Variants in AUTS2 observed in about 807,000 individuals in gnomAD.
The protein encoded by AUTS2 is autism susceptibility gene 2 protein.
Under a neutral mutation model 112.4 loss-of-function variants are expected in AUTS2, and 17 were observed. That is an observed-to-expected ratio of 0.15 (90% CI 0.10 to 0.23). AUTS2 has a LOEUF of 0.23. AUTS2 is among the 10% of genes least tolerant of loss of function. The pLI is 1.00. For synonymous variants in AUTS2, 751 were observed against 702.7 expected, an observed-to-expected ratio of 1.07 and a Z score of -1.09; for missense variants, 1,510 against 1,701.6, an observed-to-expected ratio of 0.89 and a Z score of 1.98.
intron 4 of AUTS2, among the ~76,000 whole-genome samples, chr7:70,278,552 G>A (rs1030365578): frequency 1.3e-5 from 2 of 152,086 alleles, no homozygotes; most frequent in East Asian, 1.9e-4. Context: ...ACTCCAGCCT[G>A]GGTGACAGAG....
chr7:70,788,627 G>T (rs953790275), intron 18 of AUTS2, among the ~76,000 whole-genome samples: 1 of 152,200 alleles, frequency 6.6e-6, no homozygotes, highest in Non-Finnish European at 1.5e-5. Context: ...TCTGGATGGC[G>T]TCAAAATGGC....
chr7:70,253,765 G>C (rs1387868153), intron 4 of AUTS2, among the ~76,000 whole-genome samples: 3 of 150,184 alleles, frequency 2.0e-5, no homozygotes, highest in African/African-American at 7.4e-5. Flanking sequence ...TTTTTTTTCT[G>C]CCGGCAATAC....
At chr7:69,614,314 CTCTTTCTTTCTTTCTTTCTTTCTT>C (rs763131370) in intron 1 of AUTS2, among the ~76,000 whole-genome samples, 6 of 83,412 alleles carry the variant, frequency 7.2e-5, no homozygotes, top group Admixed American at 5.1e-4. Flanking sequence ...CACTCTCCGT[CTCTTTCTTTCTTTCTTTCTTTCTT>C]TCTTTCTTTC....
intron 4 of AUTS2, among the ~76,000 whole-genome samples, chr7:70,181,893 G>A (rs1396569732): frequency 6.7e-6 from 1 of 148,574 alleles, no homozygotes; most frequent in Admixed American, 6.8e-5. Context: ...CACCTCCCAG[G>A]TTCACGCCAT....
chr7:70,566,042 A>T (rs1801694901), intron 5 of AUTS2, among the ~76,000 whole-genome samples: 1 of 152,226 alleles, frequency 6.6e-6, no homozygotes, highest in Non-Finnish European at 1.5e-5. Flanking sequence ...AGTACTGATA[A>T]CATTTAACAC....
chr7:70,573,928 C>A (rs1300736396), intron 5 of AUTS2, among the ~76,000 whole-genome samples: 1 of 152,184 alleles, frequency 6.6e-6, no homozygotes, highest in Non-Finnish European at 1.5e-5. Context: ...TCATCCAGAT[C>A]TTGCTGAAAT....
intron 1 of AUTS2, among the ~76,000 whole-genome samples, chr7:69,676,808 T>A (rs1271437661): frequency 1.1e-5 from 1 of 87,708 alleles, no homozygotes; most frequent in South Asian, 3.8e-4. Flanking sequence ...AAACTCTGGT[T>A]TTTTTCTTTT....
chr7:70,452,782 A>C lies in AUTS2; in HGVS notation c.690+17001A>C, dbSNP rs575181049. Among the ~76,000 whole-genome samples, 151 of 152,342 alleles carry C rather than the reference A, an allele frequency of 9.9e-4. 1 individual carries two copies. Among genetic ancestry groups the C allele is most frequent in the Admixed American group, 1.1e-3 (17 of 15,302 alleles). On this transcript the variant is annotated intron_variant, in intron 5 of 18. Transcript: ENST00000342771. ...GGAAATCACTAAGCTTTGGAGGCCC[A>C]GGATATACCCAGTAAAGCACAGGCG...
At chr7:70,226,849 A>C (rs971565127) in intron 4 of AUTS2, among the ~76,000 whole-genome samples, 28 of 152,178 alleles carry the variant, frequency 1.8e-4, no homozygotes, top group Non-Finnish European at 3.7e-4. Flanking sequence ...ATAGGATATG[A>C]ACACAAATCT....
chr7:69,972,145 G>A (rs1182717946), intron 2 of AUTS2, among the ~76,000 whole-genome samples: 2 of 152,178 alleles, frequency 1.3e-5, no homozygotes, highest in African/African-American at 4.8e-5. Context: ...CTATTGGTGT[G>A]TACTGATGGT....
chr7:69,712,642 A>G (rs1426123814), intron 1 of AUTS2, among the ~76,000 whole-genome samples: 2 of 152,186 alleles, frequency 1.3e-5, no homozygotes, highest in African/African-American at 4.8e-5. Flanking sequence ...CATTTGAGTA[A>G]TACCAGCTTT....
intron 5 of AUTS2, among the ~76,000 whole-genome samples, chr7:70,618,497 G>C (rs550366054): frequency 3.3e-5 from 5 of 152,282 alleles, no homozygotes; most frequent in African/African-American, 1.2e-4. Flanking sequence ...TTCTAGAAAG[G>C]ACTCCATTTC....
At chr7:70,422,962 A>G (rs956647745) in intron 4 of AUTS2, among the ~76,000 whole-genome samples, 2 of 152,136 alleles carry the variant, frequency 1.3e-5, no homozygotes, top group Admixed American at 6.5e-5. Flanking sequence ...ACATATATGT[A>G]TTGAGCACCT....
At chr7:70,165,200 C>G (rs1196094641) in intron 4 of AUTS2, among the ~76,000 whole-genome samples, 2 of 152,082 alleles carry the variant, frequency 1.3e-5, no homozygotes, top group Non-Finnish European at 2.9e-5. Context: ...AAAAATGGAG[C>G]ATTGCCATAG....
intron 5 of AUTS2, among the ~76,000 whole-genome samples, chr7:70,645,405 C>G (rs568293361): frequency 3.9e-5 from 6 of 152,004 alleles, no homozygotes; most frequent in Admixed American, 3.9e-4. Flanking sequence ...CAGATCCAAC[C>G]GGAAGCTGCA....
intron 4 of AUTS2, among the ~76,000 whole-genome samples, chr7:70,355,036 GTGTA>G (rs1381856329): frequency 1.3e-5 from 2 of 149,730 alleles, no homozygotes; most frequent in Non-Finnish European, 3.0e-5. Context: ...ATGGGTGTGT[GTGTA>G]TGTATGTGTG....
chr7:70,515,013 C>T (rs1799358397), intron 5 of AUTS2, among the ~76,000 whole-genome samples: 1 of 152,058 alleles, frequency 6.6e-6, no homozygotes, highest in African/African-American at 2.4e-5. Flanking sequence ...TTTATATACT[C>T]TGGATACTAA....
chr7:70,004,348 T>C (rs1206983108), intron 2 of AUTS2, among the ~76,000 whole-genome samples: 2 of 129,918 alleles, frequency 1.5e-5, no homozygotes, highest in Non-Finnish European at 3.2e-5. Context: ...TATATATTCA[T>C]ATATATATTA....
intron 5 of AUTS2, among the ~76,000 whole-genome samples, chr7:70,692,239 G>A (rs993820291): frequency 3.9e-5 from 6 of 152,200 alleles, no homozygotes; most frequent in African/African-American, 1.4e-4. Context: ...GGAGGGCCAA[G>A]TGGTTTCAGC....
Sources: gnomAD v4.1 joint callset for allele counts (sites outside exome capture counted in the v4.1 genomes callset) on GRCh38, gnomAD v4.1.1 for gene constraint, MANE v1.5 for transcripts, NCBI Gene and HGNC (gene_info 2026-07-23, HGNC 2026-07-21) for gene names.